BCOR: variants seen among roughly 807,000 people sequenced by gnomAD.
BCOR encodes BCL6 corepressor, also known as BCL-6 corepressor.
In BCOR, 10 loss-of-function variants were observed where a neutral mutation model predicts 86.7. That is an observed-to-expected ratio of 0.12 (90% CI 0.07 to 0.20). The LOEUF is 0.20. Among genes scored for constraint, BCOR ranks in the 10% least tolerant of loss-of-function variants. The probability of loss-of-function intolerance (pLI) is 1.00; values close to 1 mark genes in which losing one functional copy is unlikely to be tolerated. For missense variants in BCOR, 1,259 were observed against 1,452.1 expected, an observed-to-expected ratio of 0.87 and a Z score of 2.16; for synonymous variants, 611 against 609.0, an observed-to-expected ratio of 1.00 and a Z score of -0.05.
intron 1 of BCOR, among the ~76,000 whole-genome samples, chrX:40,086,657 G>A (rs1602186980): frequency 8.8e-6 from 1 of 113,938 alleles, no homozygotes; most frequent in Non-Finnish European, 1.9e-5. Flanking sequence ...TGCATAGTGC[G>A]CGCTTTGTGT....
intron 1 of BCOR, among the ~76,000 whole-genome samples, chrX:40,130,483 T>G (rs1362657681): frequency 2.7e-5 from 3 of 112,294 alleles, no homozygotes; most frequent in African/African-American, 9.7e-5. Flanking sequence ...TTTTTAGCCC[T>G]TGGCTAGGTG....
At chrX:40,092,464 A>G (rs977620656) in intron 1 of BCOR, among the ~76,000 whole-genome samples, 1 of 104,204 alleles carries the variant, frequency 9.6e-6, no homozygotes, top group South Asian at 4.1e-4. Flanking sequence ...CCTCCAGAGG[A>G]AAAAAAAAAA....
At chrX:40,083,585 G>A (rs1028074940) in intron 1 of BCOR, among the ~76,000 whole-genome samples, 1 of 111,637 alleles carries the variant, frequency 9.0e-6, no homozygotes, top group Non-Finnish European at 1.9e-5. Context: ...AGAAGAAAGG[G>A]GGAGGGGCGC....
intron 1 of BCOR, among the ~76,000 whole-genome samples, chrX:40,158,453 C>T (rs1268079344): frequency 2.7e-5 from 3 of 112,437 alleles, no homozygotes; most frequent in Non-Finnish European, 5.7e-5. Context: ...TCCCGAGGCC[C>T]CCCTCCCCGC....
chrX:40,068,418 AG>A (rs1207808984), intron 6 of BCOR, among the ~76,000 whole-genome samples: 5 of 112,142 alleles, frequency 4.5e-5, no homozygotes, highest in African/African-American at 1.6e-4. Context: ...CAAAGTACAT[AG>A]GGGCTGCTGT....
intron 1 of BCOR, among the ~76,000 whole-genome samples, chrX:40,174,293 G>C (rs1323064881): frequency 8.9e-6 from 1 of 111,860 alleles, no homozygotes; most frequent in Non-Finnish European, 1.9e-5. Context: ...CTCCAGGTTT[G>C]CTTCTGAGGC....
intron 1 of BCOR, among the ~76,000 whole-genome samples, chrX:40,167,224 GCTTT>G (rs1025514725): frequency 1.2e-4 from 14 of 112,936 alleles, no homozygotes; most frequent in African/African-American, 4.5e-4. Flanking sequence ...CTCAACGTTT[GCTTT>G]CTCTTTTTCA....
chrX:40,114,047 G>C (rs1250318080), intron 1 of BCOR, among the ~76,000 whole-genome samples: 1 of 111,762 alleles, frequency 8.9e-6, no homozygotes, highest in Middle Eastern at 4.6e-3. Flanking sequence ...TCGAACTCCT[G>C]ACCTCAGGTG....
chrX:40,107,307 C>CGCGGG (rs1209110918), intron 1 of BCOR, among the ~76,000 whole-genome samples: 1 of 111,222 alleles, frequency 9.0e-6, no homozygotes, highest in Non-Finnish European at 1.9e-5. Context: ...TTGGTCGGCA[C>CGCGGG]GCGGGGCGGG....
At chrX:40,067,571 T>C (rs192575302) in intron 6 of BCOR, among the ~76,000 whole-genome samples, 2 of 112,350 alleles carry the variant, frequency 1.8e-5, no homozygotes, top group East Asian at 5.6e-4. Flanking sequence ...CAATCATGCC[T>C]GCCCACACGC....
At chrX:40,131,810 T>C (rs534366974) in intron 1 of BCOR, among the ~76,000 whole-genome samples, 4 of 111,611 alleles carry the variant, frequency 3.6e-5, no homozygotes, top group Admixed American at 2.9e-4. Flanking sequence ...AACTCATGCT[T>C]GTCCAGCACT....
Position 40,073,885 on chromosome X carries a change from T to C in BCOR, c.1461A>G (p.Leu487=), listed in dbSNP as rs767700902. The stretch of plus-strand genomic sequence containing the variant: ...TAGCACAACCATTTCCTGGAGGAGA[T>C]AGTGTTTCTTTCGGAATCTCACTTC... ...LSGSEIPKET[L]SPPGNGCAIY... Residue 487 remains leucine (L), a synonymous_variant, in exon 4 of 15, where the codon CTA becomes CTG. Coordinates refer to ENST00000378444, the MANE Select transcript of BCOR (RefSeq NM_001123385.2). 1.5e-5 allele frequency: 18 copies of C among 1,211,057 alleles called. No homozygotes were observed. Among genetic ancestry groups the C allele is most frequent in the Middle Eastern group, 4.6e-4 (2 of 4,372 alleles).
At chrX:40,148,452 C>T (rs1371107328) in intron 1 of BCOR, among the ~76,000 whole-genome samples, 1 of 111,083 alleles carries the variant, frequency 9.0e-6, no homozygotes, top group Non-Finnish European at 1.9e-5. Flanking sequence ...CCTGCTGGGC[C>T]TCCTCCAAAC....
At chrX:40,126,303 C>A (rs1488012260) in intron 1 of BCOR, among the ~76,000 whole-genome samples, 1 of 105,403 alleles carries the variant, frequency 9.5e-6, no homozygotes, top group East Asian at 3.0e-4. Context: ...GTGGGCGGAT[C>A]ACCTGAGGTC....
chrX:40,053,533 T>C (rs1934431209), intron 14 of BCOR, among the ~76,000 whole-genome samples: 1 of 112,143 alleles, frequency 8.9e-6, no homozygotes, highest in Non-Finnish European at 1.9e-5. Flanking sequence ...CAGTGGTCTG[T>C]TGCAGGCAGT....
chrX:40,088,895 A>G (rs1305488946), intron 1 of BCOR, among the ~76,000 whole-genome samples: 1 of 112,037 alleles, frequency 8.9e-6, no homozygotes, highest in Non-Finnish European at 1.9e-5. Flanking sequence ...GGGTACCTAG[A>G]TGACGGTTCT....
At chrX:40,167,621 T>C (rs1219485506) in intron 1 of BCOR, among the ~76,000 whole-genome samples, 1 of 112,954 alleles carries the variant, frequency 8.9e-6, no homozygotes, top group Non-Finnish European at 1.9e-5. Flanking sequence ...TCGGCTTTTA[T>C]TGTGCACGCA....
At chrX:40,138,231 C>T (rs918995569) in intron 1 of BCOR, among the ~76,000 whole-genome samples, 5 of 112,229 alleles carry the variant, frequency 4.5e-5, no homozygotes, top group Non-Finnish European at 5.6e-5. Context: ...GGATTACAGG[C>T]GTGAGTCACC....
chrX:40,074,483 G>T lies in BCOR; in HGVS notation c.863C>A (p.Pro288Gln), dbSNP rs200417267. ...CCCAGGGCTGACGCCCATCTTCCACGGGAGGCTTTTGTCTGCGCAATGGAC... is the reference window on the plus strand; with the variant it reads ...CCCAGGGCTGACGCCCATCTTCCACTGGAGGCTTTTGTCTGCGCAATGGAC... ...PLVHCADKSL[P>Q]WKMGVSPGNP... Residue 288 changes from proline to glutamine, a missense_variant, in exon 4 of 15, where the codon CCG becomes CAG. Pro to Gln is a moderately conservative substitution (Grantham distance 76). Transcript: ENST00000378444. 5 of 1,205,546 alleles carry T rather than the reference G, an allele frequency of 4.1e-6. No individual in the cohort carries two copies. Among genetic ancestry groups the T allele is most frequent in the Non-Finnish European group, 5.6e-6 (5 of 892,107 alleles).
Sources: allele counts gnomAD v4.1 joint callset (sites outside exome capture counted in the v4.1 genomes callset), GRCh38; gene constraint gnomAD v4.1.1; transcripts MANE v1.5; gene names NCBI Gene and HGNC (gene_info 2026-07-23, HGNC 2026-07-21).